Variants in CBLIF observed in about 807,000 individuals in gnomAD.
The protein encoded by CBLIF is gastric intrinsic factor (vitamin B synthesis).
CBLIF carries 24 observed loss-of-function variants against 44.9 expected under a neutral mutation model. The observed-to-expected ratio is 0.53, with a 90% CI of 0.39 to 0.75. The LOEUF (loss-of-function observed/expected upper bound fraction) is 0.75, where lower values mean the gene tolerates loss of function less well. Among genes scored for constraint, CBLIF ranks in the 30% least tolerant of loss-of-function variants. CBLIF has a pLI of 0.00. For synonymous variants in CBLIF, 183 were observed against 190.9 expected (o/e 0.96, Z 0.34); for missense variants, 481 against 513.0 (o/e 0.94, Z 0.60).
rs201871926 is a variant in CBLIF, at chr11:59,835,817, G to C, written c.1064C>G (p.Pro355Arg). The change falls in exon 7 of 9, where the codon CCT becomes CGT. Residue 355 changes from proline to arginine, a missense_variant. Transcript: ENST00000257248. The part of the protein sequence containing the change: ...VVLEEAQRKN[P>R]MFKFETTMTS... Reference sequence around the variant, plus strand: ...CATTTGTAATACTCACTTGAACATAGGATTTTTGCGCTGTGCTTCCTCTAG... The same window carrying C: ...CATTTGTAATACTCACTTGAACATACGATTTTTGCGCTGTGCTTCCTCTAG... 7.8e-5 allele frequency: 125 copies of C among 1,611,000 alleles called. No individual in the cohort carries two copies. The African/African-American group carries it at 1.5e-3, about 19-fold the overall frequency.
intron 5 of CBLIF, 71 bp downstream of exon 5, chr11:59,841,072 C>A (rs1239196033): frequency 9.2e-7 from 1 of 1,086,200 alleles, no homozygotes; most frequent in Admixed American, 1.7e-5. Context: ...TTAGTAGAAG[C>A]CTGGCCTCTT....
rs772847173 is a variant in CBLIF, at chr11:59,835,872, C to T, written c.1009G>A (p.Val337Met). The change falls in exon 7 of 9, where the codon GTG (valine) becomes ATG (methionine). Residue 337 changes from valine to methionine, a missense_variant. By Grantham distance (21) the Val-to-Met change is conservative. Transcript: ENST00000257248. ...LLFNETINVS[V>M]KSGSVLLVVL... Reference sequence around the variant, plus strand: ...ACAAGTAACACTGACCCACTTTTCACACTAACATTGATGGTCTCGTTGAAG... The same window carrying T: ...ACAAGTAACACTGACCCACTTTTCATACTAACATTGATGGTCTCGTTGAAG... The T allele has an allele frequency of 6.2e-7, 1 of 1,614,152 alleles. No individual in the cohort carries two copies. Among genetic ancestry groups the T allele is most frequent in the African/African-American group, 1.3e-5 (1 of 75,044 alleles).
chr11:59,837,077 T>C (rs1866465519), intron 6 of CBLIF, 97 bp downstream of exon 6: 1 of 937,764 alleles, frequency 1.1e-6, no homozygotes, highest in Admixed American at 1.7e-5. Flanking sequence ...ATGGGAATAA[T>C]GGACATTACA....
At chr11:59,834,785 T>C (rs1866431848) in intron 7 of CBLIF, among the ~76,000 whole-genome samples, 1 of 152,206 alleles carries the variant, frequency 6.6e-6, no homozygotes, top group Non-Finnish European at 1.5e-5. Flanking sequence ...AGATATTCTT[T>C]CTTCTTGACC....
At chr11:59,834,266 TTC>T (rs1441244907) in intron 7 of CBLIF, among the ~76,000 whole-genome samples, 1 of 124,376 alleles carries the variant, frequency 8.0e-6, no homozygotes, top group Non-Finnish European at 1.7e-5. Flanking sequence ...CTTTCTTTCT[TTC>T]TTTCTTTCTT....
intron 5 of CBLIF, 114 bp from the exon 6 acceptor site, chr11:59,837,465 CCAGA>C: frequency 1.2e-6 from 1 of 813,692 alleles, no homozygotes; most frequent in Non-Finnish European, 2.1e-6. Context: ...ACGTAGTCAC[CCAGA>C]ATGCAAAGCC....
chr11:59,829,423 A>T lies in CBLIF; in HGVS notation c.*61T>A. 1 of 1,027,686 alleles carries T rather than the reference A, an allele frequency of 9.7e-7. No individual in the cohort carries two copies. The highest frequency in any genetic ancestry group is 1.7e-5 in the Admixed American group (1 of 59,050). The allele number at this position is 1,027,686 out of a possible 1,614,324, so 63.7% of individuals were successfully genotyped here. On this transcript the variant is annotated 3_prime_UTR_variant, in exon 9 of 9. Transcript: ENST00000257248. Reference sequence around the variant, plus strand: ...GCTTTTTTGCATAGATTTAAAATGAAGTGGAAAAAATTTCACCCATCCTTT... The same window carrying T: ...GCTTTTTTGCATAGATTTAAAATGATGTGGAAAAAATTTCACCCATCCTTT...
rs1444014198 is a variant in CBLIF, at chr11:59,843,138, A to C, written c.260T>G (p.Leu87Arg). Residue 87 changes from leucine (L) to arginine (R), a missense_variant, in exon 3 of 9, where the codon CTA (leucine) becomes CGA (arginine). Coordinates refer to ENST00000257248, the MANE Select transcript of CBLIF (RefSeq NM_005142.3). ...YQLMSSDNNDLTIGQLGLTIM... is the reference protein window; with the variant it reads ...YQLMSSDNNDRTIGQLGLTIM... The stretch of plus-strand genomic sequence containing the variant: ...GGTGAGGCCGAGCTGCCCAATGGTT[A>C]GATCTGCAGAGAAGAGAACACAACG... 1 of 1,591,920 alleles carries C rather than the reference A, an allele frequency of 6.3e-7. No homozygotes were observed. The highest frequency in any genetic ancestry group is 2.2e-5 in the East Asian group (1 of 44,758).
intron 8 of CBLIF, among the ~76,000 whole-genome samples, chr11:59,831,283 A>G (rs1866369820): frequency 6.6e-6 from 1 of 152,178 alleles, no homozygotes; most frequent in South Asian, 2.1e-4. Context: ...GAGAAGGTGA[A>G]GCATAAATTT....
chr11:59,840,789 A>G (rs1288504484), intron 5 of CBLIF, among the ~76,000 whole-genome samples: 1 of 152,172 alleles, frequency 6.6e-6, no homozygotes, highest in African/African-American at 2.4e-5. Flanking sequence ...CTGCTTTAAT[A>G]TTCTTATTAT....
intron 7 of CBLIF, among the ~76,000 whole-genome samples, chr11:59,835,179 C>T (rs1866436730): frequency 1.4e-5 from 2 of 144,336 alleles, no homozygotes; most frequent in Non-Finnish European, 3.0e-5. Flanking sequence ...AAGTTTTGCT[C>T]TTGTTGCCCA....
rs774742217 is a variant in CBLIF, at chr11:59,841,221, A to G, written c.615T>C (p.Asp205=). The part of the protein sequence containing the change: ...YRSLFGQVLK[D]IVEKISMKIK... ...TCTTCATGCTGATTTTCTCCACAAT[A>G]TCCTTTAGTACCTGACCAAACAGGG... The change falls in exon 5 of 9, where the codon GAT becomes GAC. Residue 205 remains aspartate (D), a synonymous_variant. Coordinates refer to ENST00000257248, the MANE Select transcript of CBLIF (RefSeq NM_005142.3). 3 of 1,612,648 alleles carry G rather than the reference A, an allele frequency of 1.9e-6. No homozygotes were observed. Among genetic ancestry groups the G allele is most frequent in the South Asian group, 1.1e-5 (1 of 91,054 alleles).
intron 5 of CBLIF, among the ~76,000 whole-genome samples, chr11:59,840,013 A>G (rs1360470642): frequency 6.6e-6 from 1 of 152,178 alleles, no homozygotes; most frequent in Non-Finnish European, 1.5e-5. Context: ...TGGAAAAAAC[A>G]GGGTTTTGTT....
At chr11:59,829,890 A>G (rs909933563) in intron 8 of CBLIF, among the ~76,000 whole-genome samples, 1 of 152,254 alleles carries the variant, frequency 6.6e-6, no homozygotes, top group Non-Finnish European at 1.5e-5. Flanking sequence ...TACCTAATAC[A>G]GTACCTGACA....
At chr11:59,839,601 A>G (rs996797072) in intron 5 of CBLIF, among the ~76,000 whole-genome samples, 1 of 152,218 alleles carries the variant, frequency 6.6e-6, no homozygotes, top group Non-Finnish European at 1.5e-5. Flanking sequence ...TATATATTAG[A>G]CACCTATTGA....
chr11:59,829,477 C>G lies in CBLIF; in HGVS notation c.*7G>C. 6.3e-7 allele frequency: 1 copy of G among 1,590,478 alleles called. No homozygotes were observed. The highest frequency in any genetic ancestry group is 2.2e-5 in the East Asian group (1 of 44,772). On this transcript the variant is annotated 3_prime_UTR_variant, in exon 9 of 9. Transcript: ENST00000257248. ...GATGTTTGATAGAAGCTGAACCCAC[C>G]TCTTCGTTAGTACTGTGTGAAATTG...
At chr11:59,834,310 T>TGC (rs1447776463) in intron 7 of CBLIF, among the ~76,000 whole-genome samples, 2 of 90,296 alleles carry the variant, frequency 2.2e-5, no homozygotes, top group African/African-American at 7.9e-5. Context: ...CTTTCTTTCT[T>TGC]TCTTCCTTCC....
At chr11:59,830,875 T>C (rs1382852292) in intron 8 of CBLIF, among the ~76,000 whole-genome samples, 1 of 152,226 alleles carries the variant, frequency 6.6e-6, no homozygotes, top group Admixed American at 6.5e-5. Flanking sequence ...ATCTTTATTA[T>C]ATGCTTTGCT....
intron 1 of CBLIF, chr11:59,845,155 AC>A: frequency 1.7e-6 from 1 of 573,130 alleles, no homozygotes; most frequent in Non-Finnish European, 3.2e-6. Context: ...GAGCCACTGC[AC>A]CTGGCCCCAT....
Sources: gnomAD v4.1 joint callset for allele counts (sites outside exome capture counted in the v4.1 genomes callset) on GRCh38, gnomAD v4.1.1 for gene constraint, MANE v1.5 for transcripts, NCBI Gene and HGNC (gene_info 2026-07-23, HGNC 2026-07-21) for gene names.